The following AIG1 variants were observed in gnomAD, a reference collection of about 807,000 sequenced individuals.
The protein encoded by AIG1 is androgen-induced gene 1 protein.
In AIG1, 23 loss-of-function variants were observed where a neutral mutation model predicts 31.4. The ratio of observed to expected loss-of-function variants is 0.73; its 90% CI spans 0.53 to 1.04. The LOEUF (loss-of-function observed/expected upper bound fraction) is 1.04. Ranked by LOEUF, AIG1 falls within the 50% of genes least tolerant of loss-of-function variation. The pLI is 0.00. For synonymous variants in AIG1, 100 were observed against 110.5 expected, an observed-to-expected ratio of 0.90 and a Z score of 0.60; for missense variants, 274 against 295.0, an observed-to-expected ratio of 0.93 and a Z score of 0.52.
chr6:143,262,527 G>A (rs1795857643), intron 3 of AIG1, among the ~76,000 whole-genome samples: 1 of 152,172 alleles, frequency 6.6e-6, no homozygotes, highest in Admixed American at 6.5e-5. Context: ...CTCTTCAAAT[G>A]ATGGAAGGTG....
At chr6:143,092,356 C>G (rs1358728421) in intron 1 of AIG1, among the ~76,000 whole-genome samples, 3 of 147,938 alleles carry the variant, frequency 2.0e-5, no homozygotes, top group Non-Finnish European at 4.5e-5. Context: ...TGGGCTCAGG[C>G]AGTCCTCCTG....
intron 2 of AIG1, among the ~76,000 whole-genome samples, chr6:143,154,238 A>G (rs1785508592): frequency 1.3e-5 from 2 of 152,198 alleles, no homozygotes. Context: ...TGGATAAAAT[A>G]ATAGTAGCTA....
At chr6:143,322,436 T>A (rs1324245157) in intron 4 of AIG1, among the ~76,000 whole-genome samples, 2 of 152,194 alleles carry the variant, frequency 1.3e-5, no homozygotes, top group Non-Finnish European at 2.9e-5. Context: ...CTAACCACAC[T>A]CCCTACCTCC....
chr6:143,061,639 A>C, intron 1 of AIG1: 2 of 267,116 alleles, frequency 7.5e-6, no homozygotes, highest in East Asian at 9.0e-5. Flanking sequence ...TTCAACCTTT[A>C]CCCCGTACAT....
rs964539361 is a variant in AIG1 at position 143,222,563 on chromosome 6, T to A, written c.399+57380T>A. 2.0e-5 allele frequency among the ~76,000 whole-genome samples: 3 copies of A among 152,332 alleles called. No individual in the cohort carries two copies. The South Asian group carries it at 6.2e-4, about 32-fold the overall frequency. On this transcript the variant is annotated intron_variant, in intron 3 of 5. Transcript: ENST00000357847. ...AAATGACATTGACCTTCCCTGGGCCTTAGTTTTCGCAGTTGACAAACTAGA... is the reference window on the plus strand; with the variant it reads ...AAATGACATTGACCTTCCCTGGGCCATAGTTTTCGCAGTTGACAAACTAGA...
At chr6:143,222,749 C>A (rs1210085971) in intron 3 of AIG1, among the ~76,000 whole-genome samples, 3 of 151,960 alleles carry the variant, frequency 2.0e-5, no homozygotes, top group East Asian at 3.9e-4. Flanking sequence ...AAAATATATT[C>A]TCCTGTGAAA....
intron 3 of AIG1, among the ~76,000 whole-genome samples, chr6:143,269,139 C>T (rs1382910903): frequency 6.6e-6 from 1 of 152,208 alleles, no homozygotes; most frequent in East Asian, 1.9e-4. Flanking sequence ...GGTCCTAGAA[C>T]ACTTCCCTAA....
intron 1 of AIG1, among the ~76,000 whole-genome samples, chr6:143,076,590 T>C (rs886362095): frequency 3.9e-5 from 6 of 152,186 alleles, no homozygotes; most frequent in Admixed American, 2.0e-4. Context: ...GACTTAGGGC[T>C]ACCATTTTAT....
intron 2 of AIG1, among the ~76,000 whole-genome samples, chr6:143,144,102 G>T (rs2128534573): frequency 6.6e-6 from 1 of 152,312 alleles, no homozygotes; most frequent in East Asian, 1.9e-4. Context: ...ACACATTTAT[G>T]CTAGCTCAGA....
chr6:143,177,002 T>C (rs994091914), intron 3 of AIG1, among the ~76,000 whole-genome samples: 19 of 152,164 alleles, frequency 1.2e-4, no homozygotes, highest in African/African-American at 4.1e-4. Context: ...TGCCATTTTT[T>C]CCCCCGCATT....
At chr6:143,113,560 G>A (rs1352515560) in intron 1 of AIG1, among the ~76,000 whole-genome samples, 1 of 146,564 alleles carries the variant, frequency 6.8e-6, no homozygotes, top group Non-Finnish European at 1.5e-5. Flanking sequence ...CCGAGATCAC[G>A]CCACTGCACT....
At chr6:143,215,733 G>T (rs748393085) in intron 3 of AIG1, among the ~76,000 whole-genome samples, 3 of 152,134 alleles carry the variant, frequency 2.0e-5, no homozygotes, top group Admixed American at 6.5e-5. Flanking sequence ...CAATGGGTTG[G>T]TTCTCTGATG....
intron 2 of AIG1, among the ~76,000 whole-genome samples, chr6:143,143,528 A>AAAAAATATATAT (rs1554249782): frequency 1.4e-4 from 4 of 27,788 alleles, no homozygotes; most frequent in Admixed American, 9.5e-4. Flanking sequence ...AAAAAAAAAA[A>AAAAAATATATAT]ATATATATAT....
intron 3 of AIG1, among the ~76,000 whole-genome samples, chr6:143,235,602 T>C (rs764494643): frequency 9.2e-5 from 13 of 141,870 alleles, no homozygotes; most frequent in Non-Finnish European, 1.8e-4. Flanking sequence ...CTCACTCTCT[T>C]CTCCCCTGAT....
At chr6:143,090,177 T>G (rs1779167270) in intron 1 of AIG1, among the ~76,000 whole-genome samples, 1 of 152,188 alleles carries the variant, frequency 6.6e-6, no homozygotes, top group Non-Finnish European at 1.5e-5. Context: ...GTTTGCAGCC[T>G]AGTTCTGCCT....
chr6:143,319,774 A>G (rs1776054663), intron 4 of AIG1, among the ~76,000 whole-genome samples: 1 of 152,188 alleles, frequency 6.6e-6, no homozygotes, highest in African/African-American at 2.4e-5. Flanking sequence ...CAAAGAGGAA[A>G]CATTACAACT....
At chr6:143,061,246 G>C in intron 1 of AIG1, 180 bp downstream of exon 1, 1 of 791,044 alleles carries the variant, frequency 1.3e-6, no homozygotes. Context: ...TGCCCCCGCA[G>C]CGGCACCTTC....
At chr6:143,154,538 A>G (rs879793327) in intron 2 of AIG1, among the ~76,000 whole-genome samples, 2 of 152,194 alleles carry the variant, frequency 1.3e-5, no homozygotes, top group African/African-American at 2.4e-5. Flanking sequence ...AAAAAAAGTT[A>G]GTACCAGGGA....
chr6:143,100,400 A>G (rs1193530683), intron 1 of AIG1, among the ~76,000 whole-genome samples: 4 of 152,234 alleles, frequency 2.6e-5, no homozygotes, highest in African/African-American at 9.6e-5. Context: ...TTTTGGATAG[A>G]AAAATGCTAA....
Sources: gnomAD v4.1 joint callset for allele counts (sites outside exome capture counted in the v4.1 genomes callset) on GRCh38, gnomAD v4.1.1 for gene constraint, MANE v1.5 for transcripts, NCBI Gene and HGNC (gene_info 2026-07-23, HGNC 2026-07-21) for gene names.